FRY: variants seen among roughly 807,000 people sequenced by gnomAD.
FRY encodes the protein FRY microtubule binding protein.
A neutral mutation model predicts 348.4 loss-of-function variants in FRY; 128 were observed. That is an observed-to-expected ratio of 0.37 (90% CI 0.32 to 0.43). The LOEUF (loss-of-function observed/expected upper bound fraction) is 0.43. Ranked by LOEUF, FRY falls within the 20% of genes least tolerant of loss-of-function variation. FRY has a pLI of 1.00. For synonymous variants in FRY, 1,370 were observed against 1,374.7 expected, an observed-to-expected ratio of 1.00 and a Z score of 0.08; for missense variants, 2,736 against 3,695.2, an observed-to-expected ratio of 0.74 and a Z score of 6.73.
chr13:32,202,269 C>A, intron 30 of FRY, 87 bp from the exon 31 acceptor site: 1 of 1,070,178 alleles, frequency 9.3e-7, no homozygotes, highest in Non-Finnish European at 1.5e-6. Context: ...AATTTTGTTA[C>A]TTCTAACCTT....
At chr13:32,151,915 T>A (rs1880817441) in intron 14 of FRY, among the ~76,000 whole-genome samples, 1 of 152,216 alleles carries the variant, frequency 6.6e-6, no homozygotes, top group Admixed American at 6.5e-5. Flanking sequence ...GAAAACCTAC[T>A]GGGACTAATA....
intron 24 of FRY, 125 bp from the exon 25 acceptor site, chr13:32,184,475 T>C (rs760970383): frequency 1.4e-6 from 1 of 693,976 alleles, no homozygotes. Flanking sequence ...GAAAAATGTA[T>C]GCTGACTTTT....
At chr13:32,232,209 C>G (rs867744742) in intron 41 of FRY, among the ~76,000 whole-genome samples, 1 of 152,030 alleles carries the variant, frequency 6.6e-6, no homozygotes, top group Non-Finnish European at 1.5e-5. Context: ...GTATGTAAAC[C>G]ATTAATTAAT....
chr13:32,042,198 G>A (rs1872777381), intron 1 of FRY, among the ~76,000 whole-genome samples: 1 of 151,916 alleles, frequency 6.6e-6, no homozygotes. Flanking sequence ...AGGGAGGGAA[G>A]GAGGGAAGAA....
At chr13:32,033,618 G>A (rs1872356405) in intron 1 of FRY, among the ~76,000 whole-genome samples, 1 of 152,194 alleles carries the variant, frequency 6.6e-6, no homozygotes, top group Admixed American at 6.5e-5. Flanking sequence ...GAGAATATCT[G>A]TGATACAATT....
chr13:32,126,634 A>G (rs776615482), intron 7 of FRY, among the ~76,000 whole-genome samples: 15 of 152,192 alleles, frequency 9.9e-5, no homozygotes, highest in Non-Finnish European at 1.3e-4. Flanking sequence ...ACAGACTCCA[A>G]TAGCCCTTGA....
At chr13:32,048,579 T>C (rs1446624025) in intron 1 of FRY, among the ~76,000 whole-genome samples, 1 of 152,250 alleles carries the variant, frequency 6.6e-6, no homozygotes, top group Non-Finnish European at 1.5e-5. Context: ...ACTAACTTTT[T>C]CCTACATTTA....
chr13:32,066,134 G>A (rs1332908677), intron 1 of FRY, among the ~76,000 whole-genome samples: 1 of 152,060 alleles, frequency 6.6e-6, no homozygotes, highest in Admixed American at 6.5e-5. Context: ...GCTTAAATCG[G>A]GGTTCAAACA....
chr13:32,108,699 C>T (rs1484667605), intron 3 of FRY, among the ~76,000 whole-genome samples: 1 of 152,254 alleles, frequency 6.6e-6, no homozygotes, highest in African/African-American at 2.4e-5. Context: ...CTTCACTGGA[C>T]AGTTTTTCAT....
At chr13:32,109,382 C>A (rs1024967355) in intron 3 of FRY, among the ~76,000 whole-genome samples, 1 of 152,066 alleles carries the variant, frequency 6.6e-6, no homozygotes, top group Non-Finnish European at 1.5e-5. Context: ...GCAATGTAAA[C>A]GCTATAATAG....
intron 19 of FRY, among the ~76,000 whole-genome samples, chr13:32,174,838 G>A (rs997180846): frequency 2.0e-5 from 3 of 151,746 alleles, no homozygotes; most frequent in South Asian, 2.1e-4. Context: ...ATAAGGGATG[G>A]TGAATGAATA....
chr13:32,164,545 C>G (rs1445042891), intron 17 of FRY, among the ~76,000 whole-genome samples: 1 of 152,172 alleles, frequency 6.6e-6, no homozygotes, highest in Non-Finnish European at 1.5e-5. Context: ...ACAGTGTATA[C>G]AACGAAGCTG....
intron 1 of FRY, among the ~76,000 whole-genome samples, chr13:32,069,865 A>ACCCCC (rs1874514694): frequency 1.5e-4 from 22 of 142,344 alleles, no homozygotes; most frequent in Non-Finnish European, 2.3e-4. Flanking sequence ...CCTCCCCCAG[A>ACCCCC]CCCCCACCCC....
chr13:32,087,420 T>C (rs1808649587), intron 2 of FRY, among the ~76,000 whole-genome samples: 2 of 152,316 alleles, frequency 1.3e-5, no homozygotes, highest in South Asian at 4.1e-4. Flanking sequence ...ACAACTCTCC[T>C]GTTACCCCTA....
At chr13:32,169,567 A>G (rs1881938102) in intron 17 of FRY, among the ~76,000 whole-genome samples, 4 of 152,170 alleles carry the variant, frequency 2.6e-5, no homozygotes, top group African/African-American at 7.2e-5. Context: ...TTCTGACTCC[A>G]GAGTACACAC....
intron 27 of FRY, among the ~76,000 whole-genome samples, chr13:32,186,947 C>T (rs536754312): frequency 1.3e-5 from 2 of 152,142 alleles, no homozygotes; most frequent in East Asian, 3.9e-4. Context: ...AAACTATGGC[C>T]CTGATAGTCA....
chr13:32,225,356 C>T (rs1885528052), intron 38 of FRY, among the ~76,000 whole-genome samples: 1 of 152,006 alleles, frequency 6.6e-6, no homozygotes, highest in East Asian at 1.9e-4. Flanking sequence ...GCATAGTCAG[C>T]GTATAAAAAG....
In FRY at chr13:32,090,711, C is replaced by CT. The variant is rs75467646; in HGVS notation, c.271-11242dup. Among the ~76,000 whole-genome samples, 526 of 149,032 alleles carry CT rather than the reference C, an allele frequency of 3.5e-3. 1 individual carries two copies. The highest frequency in any genetic ancestry group is 0.014 in the Middle Eastern group (4 of 288). Reference sequence around the variant, plus strand: ...ACATTTCTTAGTAGCTGCTGTAGTTCTTTTTTTTTTCTTTTTTAAAGAATG... The same window carrying CT: ...ACATTTCTTAGTAGCTGCTGTAGTTCTTTTTTTTTTTCTTTTTTAAAGAATG... On this transcript the variant is annotated intron_variant, in intron 2 of 60. Transcript: ENST00000542859.
At chr13:32,106,028 C>T (rs957851263) in intron 3 of FRY, among the ~76,000 whole-genome samples, 3 of 148,994 alleles carry the variant, frequency 2.0e-5, no homozygotes, top group Non-Finnish European at 4.5e-5. Flanking sequence ...CCAGCAACTC[C>T]AAGAAGGTAT....
Sources: allele counts gnomAD v4.1 joint callset (sites outside exome capture counted in the v4.1 genomes callset), GRCh38; gene constraint gnomAD v4.1.1; transcripts MANE v1.5; gene names NCBI Gene and HGNC (gene_info 2026-07-23, HGNC 2026-07-21).